KRABD5: variants seen among roughly 807,000 people sequenced by gnomAD.
The protein encoded by KRABD5 is KRAB domain containing 5, also known as KRAB domain-containing protein 5.
At chr16:31,753,344 A>G in the KRABD5 span, among the ~76,000 whole-genome samples, 1 of 152,086 alleles carries the variant, frequency 6.6e-6, no homozygotes, top group African/African-American at 2.4e-5. Flanking sequence ...CAACTATATC[A>G]CCATTTTCTT....
chr16:31,721,867 G>T, the KRABD5 span, among the ~76,000 whole-genome samples: 1 of 152,254 alleles, frequency 6.6e-6, no homozygotes, highest in Middle Eastern at 3.4e-3. Flanking sequence ...CGCAGCCCCA[G>T]CCCCAGCCCC....
At chr16:31,724,734 A>G in the KRABD5 span, among the ~76,000 whole-genome samples, 1 of 152,118 alleles carries the variant, frequency 6.6e-6, no homozygotes, top group Non-Finnish European at 1.5e-5. Flanking sequence ...TGTGTTAGCA[A>G]ATCTCAAGTA....
the KRABD5 span, among the ~76,000 whole-genome samples, chr16:31,729,578 A>C: frequency 6.6e-6 from 1 of 152,232 alleles, no homozygotes; most frequent in Non-Finnish European, 1.5e-5. Context: ...AGTGGCTATT[A>C]AATTTTAACC....
the KRABD5 span, chr16:31,759,580 T>A: frequency 1.5e-6 from 1 of 652,848 alleles, no homozygotes; most frequent in South Asian, 1.6e-5. Flanking sequence ...TGGGTGGGGG[T>A]AGGGAAAGGG....
chr16:31,715,936 G>A, the KRABD5 span, among the ~76,000 whole-genome samples: 17 of 152,160 alleles, frequency 1.1e-4, no homozygotes, highest in Non-Finnish European at 4.4e-5. Flanking sequence ...AGGGTGAGAA[G>A]CGACTGAGGA....
chr16:31,743,369 T>C, the KRABD5 span, among the ~76,000 whole-genome samples: 8 of 152,360 alleles, frequency 5.3e-5, no homozygotes, highest in African/African-American at 1.9e-4. Flanking sequence ...CACCATTTAT[T>C]AAATAGGGAA....
chr16:31,736,751 C>T, the KRABD5 span, among the ~76,000 whole-genome samples: 1 of 152,082 alleles, frequency 6.6e-6, no homozygotes, highest in Non-Finnish European at 1.5e-5. Context: ...AACACCTGAC[C>T]TCAGGTGATC....
chr16:31,714,993 C>A, the KRABD5 span, among the ~76,000 whole-genome samples: 4 of 152,230 alleles, frequency 2.6e-5, no homozygotes, highest in South Asian at 8.3e-4. Context: ...ACAGTTGAAG[C>A]AGAAAAGGCC....
the KRABD5 span, chr16:31,714,300 T>C: frequency 2.2e-6 from 1 of 454,206 alleles, no homozygotes; most frequent in Admixed American, 2.4e-5. Context: ...TGTAAGTGCC[T>C]TACAGTTTCC....
At chr16:31,751,509 T>C in the KRABD5 span, among the ~76,000 whole-genome samples, 8 of 152,190 alleles carry the variant, frequency 5.3e-5, no homozygotes, top group African/African-American at 1.9e-4. Flanking sequence ...ATTCAATCTT[T>C]GGAAATTTTG....
chr16:31,729,232 G>T, the KRABD5 span, among the ~76,000 whole-genome samples: 11 of 152,150 alleles, frequency 7.2e-5, no homozygotes, highest in African/African-American at 2.7e-4. Context: ...AATTCATTCA[G>T]CCACTGTCTG....
the KRABD5 span, among the ~76,000 whole-genome samples, chr16:31,738,309 A>T: frequency 6.6e-6 from 1 of 152,078 alleles, no homozygotes; most frequent in African/African-American, 2.4e-5. Flanking sequence ...TCCTACTACT[A>T]TTGTACTGCT....
chr16:31,736,550 T>C, the KRABD5 span, among the ~76,000 whole-genome samples: 1 of 147,790 alleles, frequency 6.8e-6, no homozygotes, highest in African/African-American at 2.5e-5. Flanking sequence ...GGAGTCTTGC[T>C]CTTGTCACCC....
the KRABD5 span, chr16:31,733,375 A>T: frequency 2.7e-6 from 1 of 372,216 alleles, no homozygotes; most frequent in Non-Finnish European, 5.3e-6. Context: ...TTTTATAACT[A>T]TCTCTTTTAG....
At chr16:31,721,092 C>G in the KRABD5 span, among the ~76,000 whole-genome samples, 1 of 151,998 alleles carries the variant, frequency 6.6e-6, no homozygotes, top group Non-Finnish European at 1.5e-5. Context: ...TAAATAAAAA[C>G]TTGGGGAAAA....
the KRABD5 span, among the ~76,000 whole-genome samples, chr16:31,738,908 T>C: frequency 1.3e-5 from 2 of 152,184 alleles, no homozygotes; most frequent in African/African-American, 4.8e-5. Flanking sequence ...ACAATTTACC[T>C]CAAGCTGCTA....
chr16:31,732,425 A>C, the KRABD5 span, among the ~76,000 whole-genome samples: 4 of 152,234 alleles, frequency 2.6e-5, no homozygotes, highest in African/African-American at 9.6e-5. Context: ...AAATGTACGC[A>C]TTGTATAAGA....
chr16:31,744,568 A>G, the KRABD5 span, among the ~76,000 whole-genome samples: 1 of 152,112 alleles, frequency 6.6e-6, no homozygotes, highest in African/African-American at 2.4e-5. Context: ...TCATTGGGGT[A>G]TTAGCCTGAA....
the KRABD5 span, chr16:31,761,211 C>A: frequency 6.6e-6 from 1 of 152,150 alleles, no homozygotes; most frequent in Non-Finnish European, 1.5e-5. Context: ...TTTAGCTACT[C>A]CCATGGAGGG....
Sources: allele counts gnomAD v4.1 joint callset (sites outside exome capture counted in the v4.1 genomes callset), GRCh38; gene constraint gnomAD v4.1.1; transcripts MANE v1.5; gene names NCBI Gene and HGNC (gene_info 2026-07-23, HGNC 2026-07-21).